SYT9: variants seen among roughly 807,000 people sequenced by gnomAD.
SYT9 encodes synaptotagmin 9, also known as synaptotagmin-9.
A neutral mutation model predicts 48.4 loss-of-function variants in SYT9; 22 were observed. That is an observed-to-expected ratio of 0.45 (90% confidence interval 0.32 to 0.65). The LOEUF is 0.65. Among genes scored for constraint, SYT9 ranks in the 30% least tolerant of loss-of-function variants. The pLI, the probability that SYT9 is intolerant of heterozygous loss-of-function variation, is 0.03. For synonymous variants in SYT9, 265 were observed against 245.0 expected, an observed-to-expected ratio of 1.08 and a Z score of -0.76; for missense variants, 577 against 622.0, an observed-to-expected ratio of 0.93 and a Z score of 0.77.
chr11:7,305,739 C>A (rs762039656), intron 2 of SYT9, among the ~76,000 whole-genome samples: 1 of 152,114 alleles, frequency 6.6e-6, no homozygotes, highest in Non-Finnish European at 1.5e-5. Flanking sequence ...TTACTGCTTC[C>A]ATCCTGCAGC....
chr11:7,367,071 T>G (rs1469427085), intron 3 of SYT9, among the ~76,000 whole-genome samples: 6 of 113,624 alleles, frequency 5.3e-5, no homozygotes, highest in African/African-American at 1.3e-4. Flanking sequence ...CAGGAGACCA[T>G]CTTTTTTTTT....
At position 7,388,735 on chromosome 11, in the gene SYT9, T is replaced by C. The variant is rs140374496; in HGVS notation, c.1045-27307T>C. 8.5e-3 allele frequency among the ~76,000 whole-genome samples: 1,288 copies of C among 152,332 alleles called. 12 individuals carry two copies. Among genetic ancestry groups the C allele is most frequent in the South Asian group, 0.023 (113 of 4,828 alleles). ...CCTGTTATTTATTTTGACCCATGTT[T>C]TATTTAGAAATATTTTCAAATGTAT... On this transcript the variant is annotated intron_variant, in intron 3 of 6. Transcript: ENST00000318881.
intron 3 of SYT9, among the ~76,000 whole-genome samples, chr11:7,339,168 G>A (rs1449545214): frequency 6.6e-6 from 1 of 151,966 alleles, no homozygotes; most frequent in East Asian, 1.9e-4. Flanking sequence ...AGTTAGGATT[G>A]CAACTCCTGC....
At chr11:7,333,527 T>G (rs906563070) in intron 3 of SYT9, among the ~76,000 whole-genome samples, 1 of 152,244 alleles carries the variant, frequency 6.6e-6, no homozygotes, top group Non-Finnish European at 1.5e-5. Flanking sequence ...TGAATTTGGC[T>G]CTGGTAAACA....
chr11:7,322,469 A>C (rs1302085839), intron 3 of SYT9, among the ~76,000 whole-genome samples: 2 of 152,054 alleles, frequency 1.3e-5, no homozygotes, highest in Non-Finnish European at 2.9e-5. Context: ...AGTCCACTGA[A>C]TCTCACCCTA....
intron 3 of SYT9, among the ~76,000 whole-genome samples, chr11:7,352,334 C>T (rs1849933106): frequency 1.3e-5 from 2 of 148,310 alleles, no homozygotes; most frequent in Admixed American, 1.3e-4. Flanking sequence ...CCAGCAAAGC[C>T]GCTGGGTTTG....
intron 3 of SYT9, among the ~76,000 whole-genome samples, chr11:7,374,283 G>T (rs190883972): frequency 1.4e-4 from 21 of 152,214 alleles, no homozygotes; most frequent in Non-Finnish European, 2.2e-4. Flanking sequence ...GACATTCCAT[G>T]GTGTATATGT....
At chr11:7,316,805 C>A (rs1402533607) in intron 3 of SYT9, among the ~76,000 whole-genome samples, 16 of 152,246 alleles carry the variant, frequency 1.1e-4, no homozygotes, top group Admixed American at 1.0e-3. Flanking sequence ...GCAGTTGCCA[C>A]ACTGATCAAT....
intron 3 of SYT9, among the ~76,000 whole-genome samples, chr11:7,398,197 A>T (rs1229695648): frequency 7.2e-5 from 11 of 152,044 alleles, no homozygotes; most frequent in Admixed American, 4.6e-4. Flanking sequence ...TCAAATGATC[A>T]TTTTGCCTCT....
chr11:7,248,868 T>C (rs1448750513), upstream of SYT9, among the ~76,000 whole-genome samples: 1 of 152,100 alleles, frequency 6.6e-6, no homozygotes, highest in African/African-American at 2.4e-5. Context: ...AGAGCCCACA[T>C]AGCCAAAGCA....
chr11:7,282,064 T>A (rs7949289), intron 1 of SYT9, among the ~76,000 whole-genome samples: 1 of 152,184 alleles, frequency 6.6e-6, no homozygotes, highest in East Asian at 1.9e-4. Context: ...GCTGTGGACA[T>A]TGGCCATGAC....
In SYT9 at chr11:7,445,850, G is replaced by A. The variant is rs561659408; in HGVS notation, c.1468-20942G>A. Among the ~76,000 whole-genome samples the A allele has an allele frequency of 1.5e-3, 232 of 152,340 alleles. 3 individuals are homozygous for A. Among genetic ancestry groups the A allele is most frequent in the Non-Finnish European group, 2.8e-4 (19 of 68,038 alleles). On this transcript the variant is annotated intron_variant, in intron 6 of 6. Transcript: ENST00000318881. ...GGCACTGTCTATACAGTGGGGCCCT[G>A]AGGAAGTCTCCTCTTTGTGAGCTGA...
At chr11:7,455,475 A>G (rs1486996734) in intron 6 of SYT9, among the ~76,000 whole-genome samples, 1 of 151,426 alleles carries the variant, frequency 6.6e-6, no homozygotes, top group Non-Finnish European at 1.5e-5. Context: ...CTGGGACTAC[A>G]GGCACCCGCC....
intron 1 of SYT9, among the ~76,000 whole-genome samples, chr11:7,267,590 A>G (rs958670459): frequency 6.6e-6 from 1 of 151,998 alleles, no homozygotes; most frequent in Admixed American, 6.6e-5. Flanking sequence ...AGCTATATCT[A>G]GATGACAATT....
intron 6 of SYT9, among the ~76,000 whole-genome samples, chr11:7,464,944 C>T (rs747884496): frequency 7.9e-5 from 12 of 151,840 alleles, no homozygotes; most frequent in East Asian, 1.9e-4. Context: ...AAAAATTAGC[C>T]GGGCGTGGTG....
At chr11:7,367,577 T>G (rs1176460363) in intron 3 of SYT9, among the ~76,000 whole-genome samples, 1 of 152,190 alleles carries the variant, frequency 6.6e-6, no homozygotes, top group South Asian at 2.1e-4. Context: ...AACATCTTTT[T>G]GTAAGTTTAT....
At position 7,410,861 on chromosome 11, in the gene SYT9, T is replaced by A. The variant is rs116384931; in HGVS notation, c.1045-5181T>A. On this transcript the variant is annotated intron_variant, in intron 3 of 6. Transcript: ENST00000318881. ...CTATTTCCATTCAATATCTCTTTTT[T>A]TTTTCTTTTTGAGACAGAGTTTTGC... Among the ~76,000 whole-genome samples the A allele has an allele frequency of 2.9e-3, 439 of 152,354 alleles. 2 individuals are homozygous for A. The highest frequency in any genetic ancestry group is 9.7e-3 in the African/African-American group (405 of 41,572).
chr11:7,378,760 G>T (rs1850502419), intron 3 of SYT9, among the ~76,000 whole-genome samples: 1 of 152,084 alleles, frequency 6.6e-6, no homozygotes, highest in South Asian at 2.1e-4. Context: ...TTGCTGCCAT[G>T]CTTCTCTTTA....
upstream of SYT9, among the ~76,000 whole-genome samples, chr11:7,248,106 G>A (rs1847817319): frequency 6.6e-6 from 1 of 151,884 alleles, no homozygotes; most frequent in Non-Finnish European, 1.5e-5. Flanking sequence ...CATGTTTGTT[G>A]GCCATTTGTA....
Sources: gnomAD v4.1 joint callset for allele counts (sites outside exome capture counted in the v4.1 genomes callset) on GRCh38, gnomAD v4.1.1 for gene constraint, MANE v1.5 for transcripts, NCBI Gene and HGNC (gene_info 2026-07-23, HGNC 2026-07-21) for gene names.